Variants in COL4A1 observed in about 807,000 individuals in gnomAD.
The protein encoded by COL4A1 is collagen alpha-1(IV) chain.
Under a neutral mutation model 216.6 loss-of-function variants are expected in COL4A1, and 40 were observed. The observed-to-expected ratio is 0.18, with a 90% CI of 0.14 to 0.24. COL4A1 has a LOEUF of 0.24. Ranked by LOEUF, COL4A1 falls within the 10% of genes least tolerant of loss-of-function variation. COL4A1 has a pLI of 1.00. For synonymous variants in COL4A1, 839 were observed against 810.7 expected, an observed-to-expected ratio of 1.03 and a Z score of -0.59; for missense variants, 1,628 against 2,196.8, an observed-to-expected ratio of 0.74 and a Z score of 5.18.
intron 1 of COL4A1, among the ~76,000 whole-genome samples, chr13:110,302,688 A>C (rs7317591): frequency 0.44 from 67,405 of 152,082 alleles, 15,279 homozygotes; most frequent in Admixed American, 0.49. Context: ...GTGTCAAAAG[A>C]CTCAGAAGAA....
chr13:110,301,798 C>T (rs1473057943), intron 1 of COL4A1, among the ~76,000 whole-genome samples: 2 of 152,076 alleles, frequency 1.3e-5, no homozygotes, highest in South Asian at 2.1e-4. Flanking sequence ...TTACCAAAGC[C>T]GTATGTCGAG....
intron 43 of COL4A1, among the ~76,000 whole-genome samples, chr13:110,168,737 G>A (rs11069829): frequency 0.52 from 78,832 of 152,004 alleles, 20,652 homozygotes; most frequent in African/African-American, 0.53. Flanking sequence ...GAAGAACCCC[G>A]CTTGCTCCAA....
In COL4A1 at chr13:110,170,137, G is replaced by A. The variant is rs4773130; in HGVS notation, c.3743-375C>T. 4.6e-4 allele frequency among the ~76,000 whole-genome samples: 25 copies of A among 54,576 alleles called. 1 individual carries two copies. The East Asian group carries it at 0.012, about 25-fold the overall frequency. 35.8% of individuals were successfully genotyped at this position (54,576 alleles called of 152,430 possible). A position where few individuals can be genotyped will look rare whatever the true frequency, so the allele number is the denominator to read the frequency against. ...AAGAAGGAAGGAAGGAAGGAAGGAAGGAAGGAAGGAAGGACAGACATAGAA... is the reference window on the plus strand; with the variant it reads ...AAGAAGGAAGGAAGGAAGGAAGGAAAGAAGGAAGGAAGGACAGACATAGAA... On this transcript the variant is annotated intron_variant, in intron 42 of 51. Coordinates refer to ENST00000375820, the MANE Select transcript of COL4A1 (RefSeq NM_001845.6).
intron 1 of COL4A1, among the ~76,000 whole-genome samples, chr13:110,282,209 G>C (rs1883659729): frequency 6.6e-6 from 1 of 152,184 alleles, no homozygotes; most frequent in Admixed American, 6.5e-5. Flanking sequence ...GATTCAGACA[G>C]ACCTGAGTTT....
At chr13:110,203,994 C>A (rs904580190) in intron 17 of COL4A1, among the ~76,000 whole-genome samples, 1 of 152,074 alleles carries the variant, frequency 6.6e-6, no homozygotes, top group Admixed American at 6.5e-5. Flanking sequence ...AGCATGATTT[C>A]CAAATACATT....
intron 49 of COL4A1, among the ~76,000 whole-genome samples, chr13:110,158,739 C>CTTTTTTTTT (rs556230875): frequency 2.8e-5 from 3 of 105,832 alleles, no homozygotes; most frequent in East Asian, 5.3e-4. Flanking sequence ...AAGAAATAAA[C>CTTTTTTTTT]TTTTTTTTTT....
chr13:110,249,069 G>C (rs1480956031), intron 1 of COL4A1, among the ~76,000 whole-genome samples: 1 of 152,080 alleles, frequency 6.6e-6, no homozygotes, highest in African/African-American at 2.4e-5. Context: ...CCCTAAAAAA[G>C]AATCTTAAAA....
At chr13:110,167,008 C>T in intron 44 of COL4A1, 150 bp downstream of exon 44, 1 of 761,324 alleles carries the variant, frequency 1.3e-6, no homozygotes, top group Non-Finnish European at 2.4e-6. Context: ...TGGGCTGCCA[C>T]ACAGAAATGC....
Position 110,211,949 on chromosome 13 carries a change from T to A in COL4A1, c.388-27A>T. The stretch of plus-strand genomic sequence containing the variant: ...TGGGGAGACAGCAGAGCATCATTCA[T>A]ACGCACTGTGTGTGGCAGACACATC... On this transcript the variant is annotated intron_variant, in intron 6 of 51. Transcript: ENST00000375820. This position sits in a 1 kb window ranked among gnomAD's most constrained non-coding sequence, Gnocchi z 4.3. 6.2e-7 allele frequency: 1 copy of A among 1,611,074 alleles called. No individual in the cohort carries two copies. Among genetic ancestry groups the A allele is most frequent in the African/African-American group, 1.3e-5 (1 of 74,998 alleles).
At chr13:110,247,836 G>GTGTGTGTGTGTGTGTGTGT (rs1566411252) in intron 1 of COL4A1, among the ~76,000 whole-genome samples, 1 of 78,570 alleles carries the variant, frequency 1.3e-5, no homozygotes, top group African/African-American at 5.5e-5. Flanking sequence ...TGTGTGTGTG[G>GTGTGTGTGTGTGTGTGTGT]CAGAGAGAGA....
At chr13:110,214,781 AGATCATG>A (rs2139208291) in intron 2 of COL4A1, among the ~76,000 whole-genome samples, 1 of 152,300 alleles carries the variant, frequency 6.6e-6, no homozygotes, top group South Asian at 2.1e-4. Context: ...TGCAGGCGGC[AGATCATG>A]GAACTCCTCA....
Position 110,183,236 on chromosome 13 carries a change from G to T in COL4A1, c.1938C>A (p.Gly646=). ...CCGGCAGTCCTTCTGCTCCAGGGGGGCCTGGTAAAGGAACAATTTTTCCTG... is the reference window on the plus strand; with the variant it reads ...CCGGCAGTCCTTCTGCTCCAGGGGGTCCTGGTAAAGGAACAATTTTTCCTG... ...GEPGKIVPLP[G]PPGAEGLPGS... Residue 646 remains glycine, a synonymous_variant, in exon 27 of 52, where the codon GGC becomes GGA. Coordinates refer to ENST00000375820, the MANE Select transcript of COL4A1 (RefSeq NM_001845.6). 6.2e-7 allele frequency: 1 copy of T among 1,613,790 alleles called. No homozygotes were observed. Among genetic ancestry groups the T allele is most frequent in the East Asian group, 2.2e-5 (1 of 44,872 alleles).
chr13:110,243,426 T>C (rs887700611), intron 1 of COL4A1, among the ~76,000 whole-genome samples: 3 of 152,108 alleles, frequency 2.0e-5, no homozygotes, highest in African/African-American at 7.2e-5. Context: ...CAAGTGATTC[T>C]CCTTCCTCAG....
rs1004640402 is a variant in COL4A1, at chr13:110,163,453, C to T, written c.4249+10G>A. ...TCAAGGGTAATTACGTTGGAAGTTTCGCAACCTACCAGTAGGCCCGGCAGG... is the reference window on the plus strand; with the variant it reads ...TCAAGGGTAATTACGTTGGAAGTTTTGCAACCTACCAGTAGGCCCGGCAGG... On this transcript the variant is annotated intron_variant, in intron 47 of 51. Transcript: ENST00000375820. 8 of 1,613,598 alleles carry T rather than the reference C, an allele frequency of 5.0e-6. No homozygotes were observed. The highest frequency in any genetic ancestry group is 1.3e-5 in the African/African-American group (1 of 75,014).
At chr13:110,306,492 AG>A (rs763312935) in intron 1 of COL4A1, among the ~76,000 whole-genome samples, 1 of 152,140 alleles carries the variant, frequency 6.6e-6, no homozygotes, top group Non-Finnish European at 1.5e-5. Context: ...ATACGCCCAA[AG>A]CTGCTCCCAG....
At chr13:110,233,456 G>A (rs556412516) in intron 2 of COL4A1, among the ~76,000 whole-genome samples, 3 of 152,148 alleles carry the variant, frequency 2.0e-5, no homozygotes, top group Non-Finnish European at 4.4e-5. Flanking sequence ...AGATACTTTG[G>A]GGGGTGGAAT....
In COL4A1 at chr13:110,307,028, G is replaced by T; in HGVS notation, c.-1C>A. The T allele has an allele frequency of 1.4e-6, 2 of 1,462,270 alleles. No homozygotes were observed. Among genetic ancestry groups the T allele is most frequent in the African/African-American group, 2.9e-5 (2 of 68,114 alleles). 90.6% of individuals were successfully genotyped at this position (1,462,270 alleles called of 1,614,324 possible). A position where few individuals can be genotyped will look rare whatever the true frequency, so the allele number is the denominator to read the frequency against. ...GCCAGACGCTGAGCCGGGGCCCCATGGTGGCGCGCCCGAGGCGGCGAGGGA... is the reference window on the plus strand; with the variant it reads ...GCCAGACGCTGAGCCGGGGCCCCATTGTGGCGCGCCCGAGGCGGCGAGGGA... On this transcript the variant is annotated 5_prime_UTR_variant, in exon 1 of 52. Coordinates refer to ENST00000375820, the MANE Select transcript of COL4A1 (RefSeq NM_001845.6). This position sits in a 1 kb window ranked among gnomAD's most constrained non-coding sequence, Gnocchi z 5.0.
In COL4A1 at chr13:110,280,649, C is replaced by A. The variant is rs185934881; in HGVS notation, c.84+26295G>T. Among the ~76,000 whole-genome samples the A allele has an allele frequency of 2.1e-4, 32 of 152,330 alleles. No individual in the cohort carries two copies. The East Asian group carries it at 5.4e-3, about 26-fold the overall frequency. On this transcript the variant is annotated intron_variant, in intron 1 of 51. Coordinates refer to ENST00000375820, the MANE Select transcript of COL4A1 (RefSeq NM_001845.6). ...CAATCCCACGCCTACATCTGCAACACCAAATTTGGTGTGTTGGTTTTATAA... is the reference window on the plus strand; with the variant it reads ...CAATCCCACGCCTACATCTGCAACAACAAATTTGGTGTGTTGGTTTTATAA...
At chr13:110,279,226 T>A (rs978284574) in intron 1 of COL4A1, among the ~76,000 whole-genome samples, 2 of 152,190 alleles carry the variant, frequency 1.3e-5, no homozygotes, top group African/African-American at 4.8e-5. Flanking sequence ...TCCCTGCACA[T>A]CTGATCTATT....
Sources: allele counts gnomAD v4.1 joint callset (sites outside exome capture counted in the v4.1 genomes callset), GRCh38; gene constraint gnomAD v4.1.1; non-coding constraint Gnocchi (gnomAD v3.1); transcripts MANE v1.5; gene names NCBI Gene and HGNC (gene_info 2026-07-23, HGNC 2026-07-21).